UBE2L3: variants seen among roughly 807,000 people sequenced by gnomAD.
The protein encoded by UBE2L3 is ubiquitin conjugating enzyme E2 L3.
A neutral mutation model predicts 17.8 loss-of-function variants in UBE2L3; 1 was observed. The observed-to-expected ratio is 0.06, with a 90% CI of 0.02 to 0.27. The LOEUF (loss-of-function observed/expected upper bound fraction) is 0.27, where lower values mean the gene tolerates loss of function less well. Ranked by LOEUF, UBE2L3 falls within the 10% of genes least tolerant of loss-of-function variation. UBE2L3 has a pLI of 1.00. For synonymous variants in UBE2L3, 44 were observed against 68.5 expected, an observed-to-expected ratio of 0.64 and a Z score of 1.76; for missense variants, 40 against 192.6, an observed-to-expected ratio of 0.21 and a Z score of 4.69.
intron 2 of UBE2L3, among the ~76,000 whole-genome samples, chr22:21,595,972 T>A (rs966502260): frequency 1.3e-5 from 2 of 151,994 alleles, no homozygotes; most frequent in African/African-American, 4.8e-5. Context: ...TTCAAGCGAT[T>A]CTCCTGCCTC....
intron 1 of UBE2L3, among the ~76,000 whole-genome samples, chr22:21,592,599 T>A (rs1381226551): frequency 6.6e-6 from 1 of 152,170 alleles, no homozygotes; most frequent in Admixed American, 6.5e-5. Flanking sequence ...AGAAGCATGG[T>A]TCCCCCTGTC....
At chr22:21,586,328 T>C (rs1927932087) in intron 1 of UBE2L3, among the ~76,000 whole-genome samples, 2 of 152,054 alleles carry the variant, frequency 1.3e-5, no homozygotes, top group African/African-American at 4.8e-5. Flanking sequence ...TGCACTGGCG[T>C]GATCTCAGCT....
In UBE2L3 at chr22:21,610,900, A is replaced by C; in HGVS notation, c.167A>C (p.Asn56Thr). Residue 56 changes from asparagine to threonine, a missense_variant, in exon 3 of 4, where the codon AAC (asparagine) becomes ACC (threonine). Physicochemically the swap from Asn to Thr is moderately conservative, Grantham distance 65. Transcript: ENST00000342192. ...AAGGGAGCCTTCAGAATCGAAATCA[A>C]CTTTCCAGCAGAGTACCCATTCAAA... ...YDKGAFRIEI[N>T]FPAEYPFKPP... The C allele has an allele frequency of 6.2e-7, 1 of 1,612,782 alleles. No individual in the cohort carries two copies.
Position 21,603,529 on chromosome 22 carries a change from T to TAAAAAAAA in UBE2L3, c.124-7311_124-7304dup, listed in dbSNP as rs780658850. Among the ~76,000 whole-genome samples, 5 of 79,976 alleles carry TAAAAAAAA rather than the reference T, an allele frequency of 6.3e-5. 1 individual carries two copies. Among genetic ancestry groups the TAAAAAAAA allele is most frequent in the African/African-American group, 4.9e-5 (1 of 20,278 alleles). The allele number at this position is 79,976 out of a possible 152,430, so 52.5% of individuals were successfully genotyped here. A position where few individuals can be genotyped will look rare whatever the true frequency, so the allele number is the denominator to read the frequency against. ...TGGGTGACAGAGCGAGACTCTGTCT[T>TAAAAAAAA]AAAAAAAAAAAAAAAAAAAAAAAAG... On this transcript the variant is annotated intron_variant, in intron 2 of 3. Transcript: ENST00000342192.
upstream of UBE2L3, among the ~76,000 whole-genome samples, chr22:21,566,190 C>T (rs2148395543): frequency 6.7e-6 from 1 of 149,258 alleles, no homozygotes; most frequent in African/African-American, 2.4e-5. Context: ...TCAGGGTGGT[C>T]TCAAACTCCT....
At chr22:21,567,911 C>G in intron 1 of UBE2L3, 140 bp downstream of exon 1, 1 of 1,508,956 alleles carries the variant, frequency 6.6e-7, no homozygotes, top group Non-Finnish European at 8.9e-7. Flanking sequence ...GGGCCGCGCG[C>G]AGGCTCAAGG....
chr22:21,619,495 C>T (rs985800822), intron 3 of UBE2L3, among the ~76,000 whole-genome samples: 37 of 152,248 alleles, frequency 2.4e-4, no homozygotes, highest in African/African-American at 8.2e-4. Flanking sequence ...TCGCCTCTGC[C>T]CCACTGCTTC....
At chr22:21,596,825 A>G (rs1176721649) in intron 2 of UBE2L3, among the ~76,000 whole-genome samples, 1 of 152,088 alleles carries the variant, frequency 6.6e-6, no homozygotes, top group Non-Finnish European at 1.5e-5. Context: ...GTTCCAGTTC[A>G]TCCACATCCT....
chr22:21,569,758 A>G (rs375036046), intron 1 of UBE2L3, among the ~76,000 whole-genome samples: 36 of 152,296 alleles, frequency 2.4e-4, no homozygotes, highest in African/African-American at 7.7e-4. Flanking sequence ...TTCGTGCTTT[A>G]TATGCATGAT....
At chr22:21,596,630 C>T (rs1928541365) in intron 2 of UBE2L3, among the ~76,000 whole-genome samples, 6 of 152,098 alleles carry the variant, frequency 3.9e-5, no homozygotes, top group Admixed American at 3.9e-4. Flanking sequence ...CCTCCATCTC[C>T]CGGGTTCAAG....
chr22:21,586,923 A>G (rs1403354799), intron 1 of UBE2L3, among the ~76,000 whole-genome samples: 1 of 135,008 alleles, frequency 7.4e-6, no homozygotes, highest in Non-Finnish European at 1.5e-5. Context: ...TCTGTCGCCC[A>G]GGCTGGAGTT....
rs565161377 is a variant in UBE2L3, at chr22:21,604,747, A to C, written c.124-6110A>C. 5.3e-5 allele frequency among the ~76,000 whole-genome samples: 8 copies of C among 152,208 alleles called. No individual in the cohort carries two copies. In the South Asian group the frequency reaches 1.5e-3, roughly 28 times the overall value. ...GTATATCTTATGTTTTAATTTTTGC[A>C]TGCCTCTTTCACCAAAAATCTCTGG... On this transcript the variant is annotated intron_variant, in intron 2 of 3. Transcript: ENST00000342192.
chr22:21,581,333 A>C (rs2148410837), intron 1 of UBE2L3, among the ~76,000 whole-genome samples: 1 of 151,374 alleles, frequency 6.6e-6, no homozygotes, highest in East Asian at 2.0e-4. Context: ...CTGGGATTTG[A>C]GCCACCATGC....
intron 2 of UBE2L3, 30 bp downstream of exon 2, chr22:21,592,986 A>G: frequency 6.3e-7 from 1 of 1,585,032 alleles, no homozygotes; most frequent in Non-Finnish European, 8.7e-7. Context: ...ACTTCCTACC[A>G]GATTATTCTT....
intron 1 of UBE2L3, among the ~76,000 whole-genome samples, chr22:21,586,247 C>T (rs1927928067): frequency 6.6e-6 from 1 of 151,916 alleles, no homozygotes; most frequent in South Asian, 2.1e-4. Flanking sequence ...GGCTCCTGGC[C>T]TAGATTTATT....
chr22:21,582,512 C>G (rs1927699473), intron 1 of UBE2L3, among the ~76,000 whole-genome samples: 1 of 151,714 alleles, frequency 6.6e-6, no homozygotes, highest in Admixed American at 6.6e-5. Flanking sequence ...CATCATGACT[C>G]CTGGCTAATT....
intron 1 of UBE2L3, among the ~76,000 whole-genome samples, chr22:21,586,695 G>C (rs188166873): frequency 1.3e-5 from 2 of 151,234 alleles, no homozygotes; most frequent in Admixed American, 1.3e-4. Context: ...ACCCTCCCAA[G>C]TAGCTGGGAA....
intron 1 of UBE2L3, among the ~76,000 whole-genome samples, chr22:21,569,103 C>A (rs9609767): frequency 1.3e-5 from 2 of 152,088 alleles, no homozygotes; most frequent in African/African-American, 4.8e-5. Context: ...AGAAAGATTT[C>A]TGGAGTGCAG....
upstream of UBE2L3, among the ~76,000 whole-genome samples, chr22:21,564,419 C>G (rs2148394480): frequency 6.6e-6 from 1 of 152,214 alleles, no homozygotes; most frequent in South Asian, 2.1e-4. Context: ...TCGGGTATGA[C>G]TAGAAGCCAG....
Sources: gnomAD v4.1 joint callset for allele counts (sites outside exome capture counted in the v4.1 genomes callset) on GRCh38, gnomAD v4.1.1 for gene constraint, MANE v1.5 for transcripts, NCBI Gene and HGNC (gene_info 2026-07-23, HGNC 2026-07-21) for gene names.